Variants in ABCB4 observed in about 807,000 individuals in gnomAD.
ABCB4 encodes the protein ATP binding cassette subfamily B member 4.
In ABCB4, 76 loss-of-function variants were observed where a neutral mutation model predicts 145.7. The ratio of observed to expected loss-of-function variants is 0.52; its 90% confidence interval spans 0.43 to 0.63. The LOEUF is 0.63. Ranked by LOEUF, ABCB4 falls within the 30% of genes least tolerant of loss-of-function variation. ABCB4 has a pLI of 0.00. For synonymous variants in ABCB4, 517 were observed against 566.8 expected, an observed-to-expected ratio of 0.91 and a Z score of 1.25; for missense variants, 1,234 against 1,553.1, an observed-to-expected ratio of 0.79 and a Z score of 3.45.
chr7:87,470,693 G>A (rs1214642352), intron 3 of ABCB4, among the ~76,000 whole-genome samples: 1 of 152,094 alleles, frequency 6.6e-6, no homozygotes, highest in East Asian at 1.9e-4. Flanking sequence ...AGTTAGAATG[G>A]CAATCATTAA....
chr7:87,453,494 A>T (rs1043460668), intron 5 of ABCB4, among the ~76,000 whole-genome samples: 1 of 148,236 alleles, frequency 6.7e-6, no homozygotes, highest in Non-Finnish European at 1.5e-5. Flanking sequence ...ACCATCCTTT[A>T]TTCATCTCTT....
In ABCB4 at chr7:87,406,276, T is replaced by G; in HGVS notation, c.3486+12A>C. Reference sequence around the variant, plus strand: ...AGTAGTCTCTTCTGATTTCAGCTACTCTTTAACTTACGTGGGGTAACGTCT... The same window carrying G: ...AGTAGTCTCTTCTGATTTCAGCTACGCTTTAACTTACGTGGGGTAACGTCT... On this transcript the variant is annotated intron_variant, in intron 26 of 27. Coordinates refer to ENST00000649586, the MANE Select transcript of ABCB4 (RefSeq NM_000443.4). 6.2e-7 allele frequency: 1 copy of G among 1,612,066 alleles called. No individual in the cohort carries two copies. The highest frequency in any genetic ancestry group is 8.5e-7 in the Non-Finnish European group (1 of 1,178,048).
intron 27 of ABCB4, 94 bp from the exon 28 acceptor site, chr7:87,402,396 C>T: frequency 7.0e-7 from 1 of 1,434,908 alleles, no homozygotes; most frequent in Non-Finnish European, 9.6e-7. Flanking sequence ...TTCTAATCAA[C>T]TTTTAATTTC....
At chr7:87,381,737 C>G in the ABCB4 span, among the ~76,000 whole-genome samples, 1 of 152,130 alleles carries the variant, frequency 6.6e-6, no homozygotes, top group African/African-American at 2.4e-5. Flanking sequence ...TAAAATATAG[C>G]AGTTACTGAA....
Position 87,472,634 on chromosome 7 carries a change from C to T in ABCB4, c.122G>A (p.Gly41Glu). Residue 41 changes from glycine (G) to glutamate (E), a missense_variant, in exon 3 of 28, where the codon GGA (glycine) becomes GAA (glutamate). This residue lies in a region of ABCB4 where 77 missense variants were observed against 73.3 expected (regional missense o/e 1.05). Transcript: ENST00000649586. ...TTCACAGCTTACCAATGTTAATACT[C>T]CAATCATTTTCACTGTCTTCGTTTT... ...RKKTKTVKMI[G>E]VLTLFRYSDW... 6.2e-7 allele frequency: 1 copy of T among 1,609,130 alleles called. No homozygotes were observed. Among genetic ancestry groups the T allele is most frequent in the South Asian group, 1.1e-5 (1 of 90,864 alleles).
At chr7:87,404,397 T>C (rs1808031954) in intron 26 of ABCB4, among the ~76,000 whole-genome samples, 1 of 152,158 alleles carries the variant, frequency 6.6e-6, no homozygotes, top group African/African-American at 2.4e-5. Context: ...ATTTAAAATG[T>C]AAAGCTATAA....
chr7:87,384,298 G>A, the ABCB4 span, among the ~76,000 whole-genome samples: 8 of 152,224 alleles, frequency 5.3e-5, no homozygotes, highest in South Asian at 4.2e-4. Context: ...TTGGGAGGCC[G>A]AGGTGGGCAG....
chr7:87,375,596 G>C, the ABCB4 span: 1 of 1,499,904 alleles, frequency 6.7e-7, no homozygotes, highest in East Asian at 2.3e-5. Context: ...CTTTCTGCCT[G>C]TACTCTTTTT....
At chr7:87,398,826 G>A (rs1032728829), downstream of ABCB4, 6 of 612,232 alleles carry the variant, frequency 9.8e-6, no homozygotes, top group Admixed American at 6.6e-5. Context: ...GCCATAGAAG[G>A]TAGAAATATT....
chr7:87,388,171 C>G, the ABCB4 span, among the ~76,000 whole-genome samples: 1 of 152,018 alleles, frequency 6.6e-6, no homozygotes, highest in African/African-American at 2.4e-5. Flanking sequence ...GATCTTGACC[C>G]TCATATCCTG....
intron 3 of ABCB4, among the ~76,000 whole-genome samples, chr7:87,467,398 A>C (rs1812990736): frequency 1.3e-5 from 2 of 152,228 alleles, no homozygotes; most frequent in African/African-American, 2.4e-5. Context: ...CAAGATTCAT[A>C]AAGCAAGTCC....
At chr7:87,402,525 A>T (rs185994047) in intron 27 of ABCB4, among the ~76,000 whole-genome samples, 1 of 152,338 alleles carries the variant, frequency 6.6e-6, no homozygotes, top group East Asian at 1.9e-4. Context: ...CTGTAAAAAA[A>T]TTCATAAGTA....
chr7:87,379,362 A>G, the ABCB4 span, among the ~76,000 whole-genome samples: 2 of 152,076 alleles, frequency 1.3e-5, no homozygotes. Context: ...TATTATTCTC[A>G]TTTGAGAGTT....
At chr7:87,374,688 A>AG in the ABCB4 span, among the ~76,000 whole-genome samples, 13 of 152,120 alleles carry the variant, frequency 8.5e-5, no homozygotes, top group African/African-American at 2.4e-4. Context: ...GCAAATAACA[A>AG]GGGGGGAATT....
At chr7:87,410,411 T>G (rs1808534130) in intron 23 of ABCB4, among the ~76,000 whole-genome samples, 1 of 152,034 alleles carries the variant, frequency 6.6e-6, no homozygotes, top group South Asian at 2.1e-4. Context: ...AAAAGGTGAG[T>G]TGCCAAAAAC....
At chr7:87,390,780 G>A in the ABCB4 span, among the ~76,000 whole-genome samples, 1 of 152,140 alleles carries the variant, frequency 6.6e-6, no homozygotes, top group Non-Finnish European at 1.5e-5. Context: ...AAAGGTCAAG[G>A]ACTCTGTATT....
the ABCB4 span, among the ~76,000 whole-genome samples, chr7:87,388,838 C>G: frequency 1.3e-5 from 2 of 152,084 alleles, no homozygotes; most frequent in Non-Finnish European, 2.9e-5. Context: ...AGTGAACAGG[C>G]AACCTACAGA....
At chr7:87,409,149 CA>C in intron 24 of ABCB4, 86 bp downstream of exon 24, 1 of 1,501,436 alleles carries the variant, frequency 6.7e-7, no homozygotes, top group Non-Finnish European at 9.2e-7. Context: ...GTGTAATCAT[CA>C]CAAACTTATC....
At chr7:87,393,137 C>T in the ABCB4 span, 4 of 1,465,722 alleles carry the variant, frequency 2.7e-6, no homozygotes, top group Non-Finnish European at 9.3e-7. Flanking sequence ...TTTTAAATGC[C>T]TTTCCTACAC....
Sources: allele counts gnomAD v4.1 joint callset (sites outside exome capture counted in the v4.1 genomes callset), GRCh38; gene constraint gnomAD v4.1.1; regional missense constraint gnomAD v4.1.1; transcripts MANE v1.5; gene names NCBI Gene and HGNC (gene_info 2026-07-23, HGNC 2026-07-21).